The following IPCEF1 variants were observed in gnomAD, a reference collection of about 807,000 sequenced individuals.
The protein encoded by IPCEF1 is interactor protein for cytohesin exchange factors 1.
IPCEF1 carries 31 observed loss-of-function variants against 50.9 expected under a neutral mutation model. The ratio of observed to expected loss-of-function variants is 0.61; its 90% CI spans 0.46 to 0.82. The LOEUF (loss-of-function observed/expected upper bound fraction) is 0.82, where lower values mean the gene tolerates loss of function less well. Among genes scored for constraint, IPCEF1 ranks in the 40% least tolerant of loss-of-function variants. The pLI is 0.00. For synonymous variants in IPCEF1, 181 were observed against 192.0 expected, an observed-to-expected ratio of 0.94 and a Z score of 0.47; for missense variants, 458 against 514.0, an observed-to-expected ratio of 0.89 and a Z score of 1.05.
intron 5 of IPCEF1, among the ~76,000 whole-genome samples, chr6:154,229,965 G>T (rs541932333): frequency 2.0e-5 from 3 of 152,146 alleles, no homozygotes; most frequent in African/African-American, 7.2e-5. Context: ...AAACACAAGC[G>T]ATCAGTTATG....
At chr6:154,176,701 T>C (rs535768019) in intron 10 of IPCEF1, among the ~76,000 whole-genome samples, 33 of 152,324 alleles carry the variant, frequency 2.2e-4, no homozygotes, top group Middle Eastern at 3.4e-3. Flanking sequence ...CATTCCATGC[T>C]CATGGATAGG....
intron 2 of IPCEF1, among the ~76,000 whole-genome samples, chr6:154,273,334 G>T (rs1781945090): frequency 6.6e-6 from 1 of 152,152 alleles, no homozygotes; most frequent in East Asian, 1.9e-4. Flanking sequence ...AGTCTTGATC[G>T]TCGACAAGTA....
At chr6:154,301,496 A>G (rs529148206) in intron 1 of IPCEF1, among the ~76,000 whole-genome samples, 131 of 152,340 alleles carry the variant, frequency 8.6e-4, no homozygotes, top group African/African-American at 2.8e-3. Context: ...TTTAATCTGC[A>G]GCATAGAACA....
chr6:154,224,627 C>T (rs1447071924), intron 5 of IPCEF1, among the ~76,000 whole-genome samples: 1 of 152,038 alleles, frequency 6.6e-6, no homozygotes, highest in Non-Finnish European at 1.5e-5. Flanking sequence ...AGGAGGTTAG[C>T]TTGAACCTGG....
chr6:154,294,787 C>A (rs894711067), intron 1 of IPCEF1, among the ~76,000 whole-genome samples: 1 of 152,116 alleles, frequency 6.6e-6, no homozygotes, highest in African/African-American at 2.4e-5. Context: ...GTGACAAGAA[C>A]CTGGCTTTTA....
intron 5 of IPCEF1, among the ~76,000 whole-genome samples, chr6:154,239,431 A>ATTCACATGTGTGAATTC (rs566463753): frequency 5.6e-4 from 86 of 152,354 alleles, no homozygotes; most frequent in African/African-American, 2.0e-3. Context: ...TGAAATTAGA[A>ATTCACATGTGTGAATTC]TGTCAGAAGT....
chr6:154,205,674 T>TTAG (rs1403902145), intron 9 of IPCEF1, among the ~76,000 whole-genome samples: 7 of 152,336 alleles, frequency 4.6e-5, no homozygotes, highest in South Asian at 2.1e-4. Flanking sequence ...AACTAGTTAG[T>TTAG]GTATATGCTG....
At chr6:154,229,401 C>T in intron 5 of IPCEF1, among the ~76,000 whole-genome samples, 1 of 136,744 alleles carries the variant, frequency 7.3e-6, no homozygotes, top group Non-Finnish European at 1.5e-5. Context: ...CCAGGCTGGA[C>T]TGCAGTGGCG....
intron 1 of IPCEF1, among the ~76,000 whole-genome samples, chr6:154,350,643 A>G (rs9479818): frequency 0.36 from 54,159 of 152,200 alleles, 10,773 homozygotes; most frequent in African/African-American, 0.53. Context: ...GAAGGGCTCC[A>G]TTGGTTTATA....
At position 154,199,860 on chromosome 6, in the gene IPCEF1, T is replaced by C. The variant is rs887478244; in HGVS notation, c.718A>G (p.Thr240Ala). 1.2e-6 allele frequency: 2 copies of C among 1,614,168 alleles called. No individual in the cohort carries two copies. The highest frequency in any genetic ancestry group is 8.5e-7 in the Non-Finnish European group (1 of 1,180,030). The change falls in exon 10 of 12, where the codon ACG (threonine) becomes GCG (alanine). Residue 240 changes from threonine (T) to alanine (A), a missense_variant. By Grantham distance (58) the Thr-to-Ala change is moderately conservative. Coordinates refer to ENST00000367220, the MANE Select transcript of IPCEF1 (RefSeq NM_001130700.2). ...SAAEDEGQPI[T>A]FAVQVHSPVP... Reference sequence around the variant, plus strand: ...GGTGAATGAACTTGCACAGCAAACGTTATTGGTTGTCCCTCATCTTCAGCA... The same window carrying C: ...GGTGAATGAACTTGCACAGCAAACGCTATTGGTTGTCCCTCATCTTCAGCA...
chr6:154,246,094 C>G (rs1046932775), intron 5 of IPCEF1, among the ~76,000 whole-genome samples: 1 of 151,998 alleles, frequency 6.6e-6, no homozygotes, highest in Admixed American at 6.6e-5. Context: ...CCAAACCAAC[C>G]CATTTGATAA....
At chr6:154,190,750 A>C (rs1801801169) in intron 10 of IPCEF1, among the ~76,000 whole-genome samples, 1 of 152,232 alleles carries the variant, frequency 6.6e-6, no homozygotes, top group African/African-American at 2.4e-5. Flanking sequence ...AAAACTTGGA[A>C]GCTACAAAGA....
At chr6:154,333,212 CA>C (rs1354174342) in intron 1 of IPCEF1, among the ~76,000 whole-genome samples, 1 of 151,456 alleles carries the variant, frequency 6.6e-6, no homozygotes, top group Non-Finnish European at 1.5e-5. Flanking sequence ...TTGAAGGATG[CA>C]AAATATTGAT....
At chr6:154,336,172 T>C (rs1388509570) in intron 1 of IPCEF1, among the ~76,000 whole-genome samples, 1 of 152,200 alleles carries the variant, frequency 6.6e-6, no homozygotes, top group Admixed American at 6.6e-5. Flanking sequence ...ATTAGGTACT[T>C]ATCCAAAGGA....
At chr6:154,167,453 A>G (rs1280169603) in intron 11 of IPCEF1, among the ~76,000 whole-genome samples, 2 of 152,176 alleles carry the variant, frequency 1.3e-5, no homozygotes. Flanking sequence ...TCTTTGCTGC[A>G]GCTGAAATCA....
intron 1 of IPCEF1, among the ~76,000 whole-genome samples, chr6:154,308,390 C>A (rs1782992239): frequency 6.6e-6 from 1 of 152,098 alleles, no homozygotes; most frequent in Admixed American, 6.6e-5. Flanking sequence ...CCCAAACAAA[C>A]TACTGGGATT....
chr6:154,244,777 A>G (rs1780897199), intron 5 of IPCEF1, among the ~76,000 whole-genome samples: 1 of 152,234 alleles, frequency 6.6e-6, no homozygotes, highest in South Asian at 2.1e-4. Flanking sequence ...AGCAGCCAGA[A>G]CATATTTGCT....
At chr6:154,296,017 G>A (rs528227566) in intron 1 of IPCEF1, among the ~76,000 whole-genome samples, 2 of 152,240 alleles carry the variant, frequency 1.3e-5, no homozygotes, top group Admixed American at 1.3e-4. Flanking sequence ...CAAAATATTA[G>A]TCCCAAATTA....
chr6:154,223,105 T>TG (rs1237872487), intron 6 of IPCEF1, 65 bp downstream of exon 6: 1 of 1,248,354 alleles, frequency 8.0e-7, no homozygotes, highest in African/African-American at 1.5e-5. Context: ...CCATATCCCT[T>TG]GGTGAACATT....
Sources: gnomAD v4.1 joint callset for allele counts (sites outside exome capture counted in the v4.1 genomes callset) on GRCh38, gnomAD v4.1.1 for gene constraint, MANE v1.5 for transcripts, NCBI Gene and HGNC (gene_info 2026-07-23, HGNC 2026-07-21) for gene names.